Variants in CCDC191 observed in about 807,000 individuals in gnomAD.
The protein encoded by CCDC191 is coiled-coil domain-containing protein 191.
In CCDC191, 99 loss-of-function variants were observed where a neutral mutation model predicts 114.0. That is an observed-to-expected ratio of 0.87 (90% CI 0.74 to 1.03). CCDC191 has a LOEUF of 1.03. Ranked by LOEUF, CCDC191 falls within the 50% of genes least tolerant of loss-of-function variation. The pLI, the probability that CCDC191 is intolerant of heterozygous loss-of-function variation, is 0.00. For synonymous variants in CCDC191, 351 were observed against 376.0 expected, an observed-to-expected ratio of 0.93 and a Z score of 0.77; for missense variants, 973 against 1,087.0, an observed-to-expected ratio of 0.90 and a Z score of 1.47.
rs542929055 is a variant in CCDC191, at chr3:114,053,754, A to G, written c.91-119T>C. ...GTGTCCTTTATTATTTCCCCAAAGCATTTCATTAGAAAGTTCAGCATGATT... is the reference window on the plus strand; with the variant it reads ...GTGTCCTTTATTATTTCCCCAAAGCGTTTCATTAGAAAGTTCAGCATGATT... On this transcript the variant is annotated intron_variant, in intron 1 of 16. Transcript: ENST00000295878. 1.4e-3 allele frequency: 773 copies of G among 571,602 alleles called. 16 individuals carry two copies. In the South Asian group the frequency reaches 0.021, roughly 15 times the overall value. 35.4% of individuals were successfully genotyped at this position (571,602 alleles called of 1,614,324 possible). A position where few individuals can be genotyped will look rare whatever the true frequency, so the allele number is the denominator to read the frequency against.
chr3:114,000,246 C>A (rs990557886), intron 13 of CCDC191, among the ~76,000 whole-genome samples: 19 of 150,982 alleles, frequency 1.3e-4, no homozygotes, highest in African/African-American at 4.4e-4. Context: ...CTGCTGAGAG[C>A]CTGAATAGAA....
chr3:113,988,072 T>TAAAAACTCCA (rs1388815405), intron 13 of CCDC191, among the ~76,000 whole-genome samples: 2 of 151,002 alleles, frequency 1.3e-5, no homozygotes, highest in Admixed American at 6.6e-5. Context: ...TAAAGAGGTA[T>TAAAAACTCCA]AAAAACTCCA....
At chr3:114,026,797 T>C (rs2076327249) in intron 7 of CCDC191, among the ~76,000 whole-genome samples, 1 of 152,214 alleles carries the variant, frequency 6.6e-6, no homozygotes. Flanking sequence ...ATGATTTCTT[T>C]GGATCATTAT....
At chr3:114,009,955 T>C (rs1415657497) in intron 9 of CCDC191, among the ~76,000 whole-genome samples, 1 of 152,144 alleles carries the variant, frequency 6.6e-6, no homozygotes, top group African/African-American at 2.4e-5. Flanking sequence ...GGATATGTAT[T>C]ACGTCCACTT....
At position 114,035,111 on chromosome 3, in the gene CCDC191, T is replaced by G. The variant is rs767261812; in HGVS notation, c.632A>C (p.Glu211Ala). ...CAGGGTCTTTTCTATTCTCTGGTAC[T>G]CCAGTTCTTTCTCACGTCTTAAGCG... ...ENRLRREKEL[E>A]YQRIEKTLKK... The change falls in exon 6 of 17, where the codon GAG becomes GCG. Residue 211 changes from glutamate to alanine, a missense_variant. Coordinates refer to ENST00000295878, the MANE Select transcript of CCDC191 (RefSeq NM_020817.2). 29 of 1,613,912 alleles carry G rather than the reference T, an allele frequency of 1.8e-5. No homozygotes were observed. In the Admixed American group the frequency reaches 4.8e-4, roughly 27 times the overall value.
intron 13 of CCDC191, among the ~76,000 whole-genome samples, chr3:113,990,212 C>CT (rs2075509918): frequency 6.6e-6 from 1 of 151,882 alleles, no homozygotes; most frequent in African/African-American, 2.4e-5. Context: ...CCAGGTAAAC[C>CT]AGAAGAGAAG....
chr3:113,979,739 T>C (rs1692453363), intron 14 of CCDC191, among the ~76,000 whole-genome samples: 1 of 152,212 alleles, frequency 6.6e-6, no homozygotes, highest in African/African-American at 2.4e-5. Flanking sequence ...GTCATATTTA[T>C]TGGCCAAAAT....
Position 114,008,178 on chromosome 3 carries a change from C to CT in CCDC191, c.1414-2217dup, listed in dbSNP as rs34788479. On this transcript the variant is annotated intron_variant, in intron 9 of 16. Transcript: ENST00000295878. ...ACAGGTAAAAAATACTTTCTGCTGA[C>CT]TTTTTTTTTTTTTTCATTTAAGAAC... Among the ~76,000 whole-genome samples, 211 of 132,212 alleles carry CT rather than the reference C, an allele frequency of 1.6e-3. 1 individual carries two copies. Among genetic ancestry groups the CT allele is most frequent in the East Asian group, 7.0e-3 (33 of 4,684 alleles). 86.7% of individuals were successfully genotyped at this position (132,212 alleles called of 152,430 possible). A position where few individuals can be genotyped will look rare whatever the true frequency, so the allele number is the denominator to read the frequency against.
chr3:114,039,807 C>T (rs1278621640), intron 4 of CCDC191, among the ~76,000 whole-genome samples: 1 of 151,742 alleles, frequency 6.6e-6, no homozygotes. Flanking sequence ...CTAAGTGTTA[C>T]AAAAGAGTCA....
At position 114,029,361 on chromosome 3, in the gene CCDC191, T is replaced by C. The variant is rs923315661; in HGVS notation, c.972+2265A>G. On this transcript the variant is annotated intron_variant, in intron 7 of 16. Coordinates refer to ENST00000295878, the MANE Select transcript of CCDC191 (RefSeq NM_020817.2). ...ATCAATGAGCTCATACTGAATAAAA[T>C]AAACAATTGCATAAATGAATGAATA... is the stretch of plus-strand genomic sequence containing the variant. Among the ~76,000 whole-genome samples, 67 of 152,052 alleles carry C rather than the reference T, an allele frequency of 4.4e-4. 1 individual carries two copies. Among genetic ancestry groups the C allele is most frequent in the African/African-American group, 1.6e-3 (65 of 41,468 alleles).
chr3:114,000,118 A>G (rs1318301532), intron 13 of CCDC191, among the ~76,000 whole-genome samples: 1 of 151,590 alleles, frequency 6.6e-6, no homozygotes, highest in African/African-American at 2.4e-5. Context: ...ATGGGGTGCT[A>G]GATTAAACAT....
At chr3:114,043,301 G>A (rs1437903235) in intron 3 of CCDC191, among the ~76,000 whole-genome samples, 1 of 152,124 alleles carries the variant, frequency 6.6e-6, no homozygotes, top group Non-Finnish European at 1.5e-5. Context: ...AGAGAAGTGA[G>A]GAGGAGACAG....
At chr3:114,052,992 T>C (rs965604384) in intron 2 of CCDC191, among the ~76,000 whole-genome samples, 2 of 152,326 alleles carry the variant, frequency 1.3e-5, no homozygotes, top group Non-Finnish European at 2.9e-5. Context: ...TCAAATTAAA[T>C]GGTACTCAGA....
chr3:114,045,346 T>A (rs1272091000), intron 3 of CCDC191, among the ~76,000 whole-genome samples: 1 of 152,128 alleles, frequency 6.6e-6, no homozygotes, highest in Admixed American at 6.6e-5. Context: ...TTCTCCCCTA[T>A]AATCCATTCT....
rs1198273884 is a variant in CCDC191 at position 114,002,523 on chromosome 3, G to A, written c.1994C>T (p.Ala665Val). ...CCGCCTACATTCAGCTCGTTGAATT[G>A]CTCTCTCTTCCATAGCTAGAAAATA... ...HPILKAMEER[A>V]IQRAECRRIL... is the part of the protein sequence containing the mutation. The change falls in exon 12 of 17, where the codon GCA becomes GTA. Residue 665 changes from alanine to valine, a missense_variant. By Grantham distance (64) the Ala-to-Val change is moderately conservative (BLOSUM62 0). Coordinates refer to ENST00000295878, the MANE Select transcript of CCDC191 (RefSeq NM_020817.2). The A allele has an allele frequency of 6.2e-7, 1 of 1,608,632 alleles. No individual in the cohort carries two copies. The highest frequency in any genetic ancestry group is 1.3e-5 in the African/African-American group (1 of 74,730).
At chr3:114,004,386 C>A (rs2075908230) in intron 11 of CCDC191, 13 of 1,036,656 alleles carry the variant, frequency 1.3e-5, no homozygotes, top group Admixed American at 5.7e-5. Context: ...AAATGATATA[C>A]CTTTCAGCTA....
At chr3:114,051,107 G>C (rs546729475) in intron 2 of CCDC191, among the ~76,000 whole-genome samples, 2 of 151,994 alleles carry the variant, frequency 1.3e-5, no homozygotes, top group African/African-American at 4.8e-5. Flanking sequence ...TTGACATCGT[G>C]ACCCCGAACC....
At chr3:113,998,901 A>G (rs1019842494) in intron 13 of CCDC191, among the ~76,000 whole-genome samples, 2 of 152,200 alleles carry the variant, frequency 1.3e-5, no homozygotes, top group African/African-American at 2.4e-5. Context: ...CTCACTTCAC[A>G]GCAAAGAAGT....
At chr3:114,032,717 T>C (rs748192372) in intron 6 of CCDC191, among the ~76,000 whole-genome samples, 5 of 152,218 alleles carry the variant, frequency 3.3e-5, no homozygotes, top group Non-Finnish European at 5.9e-5. Context: ...GTATTATTGG[T>C]AATGTTAACC....
Sources: allele counts gnomAD v4.1 joint callset (sites outside exome capture counted in the v4.1 genomes callset), GRCh38; gene constraint gnomAD v4.1.1; transcripts MANE v1.5; gene names NCBI Gene and HGNC (gene_info 2026-07-23, HGNC 2026-07-21).